The following ANK2 variants were observed in gnomAD, a reference collection of about 807,000 sequenced individuals.
ANK2 encodes ankyrin-2.
Under a neutral mutation model 360.5 loss-of-function variants are expected in ANK2, and 83 were observed. The observed-to-expected ratio is 0.23, with a 90% CI of 0.19 to 0.28. ANK2 has a LOEUF of 0.28. Among genes scored for constraint, ANK2 ranks in the 10% least tolerant of loss-of-function variants. ANK2 has a pLI of 1.00. For missense variants in ANK2, 4,201 were observed against 4,795.7 expected (o/e 0.88, Z 3.66); for synonymous variants, 1,740 against 1,759.5 (o/e 0.99, Z 0.28).
At chr4:113,336,486 G>A in intron 30 of ANK2, 91 bp from the exon 31 acceptor site, 4 of 1,234,636 alleles carry the variant, frequency 3.2e-6, no homozygotes, top group Non-Finnish European at 4.5e-6. Context: ...AAAATACTTT[G>A]GGGAAGAAAT....
the ANK2 span, chr4:112,797,397 C>T: frequency 1.2e-4 from 19 of 152,974 alleles, no homozygotes; most frequent in East Asian, 1.9e-4. Context: ...AGCACCTGCC[C>T]GGCCATTCTA....
intron 1 of ANK2, among the ~76,000 whole-genome samples, chr4:113,165,982 T>C (rs1213511450): frequency 6.6e-6 from 1 of 152,166 alleles, no homozygotes; most frequent in Non-Finnish European, 1.5e-5. Context: ...TATTTTCATC[T>C]ATAAACTTAC....
At chr4:113,107,568 A>G (rs2093785007) in intron 1 of ANK2, among the ~76,000 whole-genome samples, 1 of 152,098 alleles carries the variant, frequency 6.6e-6, no homozygotes, top group East Asian at 1.9e-4. Flanking sequence ...GAGCTTATTA[A>G]TGATGCTGAC....
chr4:112,792,110 C>T, the ANK2 span, among the ~76,000 whole-genome samples: 7 of 135,364 alleles, frequency 5.2e-5, no homozygotes, highest in Admixed American at 8.5e-5. Context: ...GGTGCAATCT[C>T]GGCTCACTGC....
intron 6 of ANK2, 129 bp from the exon 7 acceptor site, chr4:113,237,470 T>C: frequency 7.5e-6 from 7 of 931,902 alleles, no homozygotes; most frequent in South Asian, 6.5e-5. Flanking sequence ...CTTGGGGATG[T>C]CTTCTTCCAG....
intron 1 of ANK2, among the ~76,000 whole-genome samples, chr4:113,128,056 T>A (rs374208326): frequency 6.6e-6 from 1 of 152,226 alleles, no homozygotes; most frequent in East Asian, 1.9e-4. Context: ...CACATTGCTT[T>A]ATATGTGGTA....
chr4:112,894,435 T>C (rs944908357), intron 1 of ANK2, among the ~76,000 whole-genome samples: 1 of 152,236 alleles, frequency 6.6e-6, no homozygotes, highest in Non-Finnish European at 1.5e-5. Flanking sequence ...ATTATTTTTA[T>C]AATTTGAAAA....
At chr4:112,750,856 T>C in the ANK2 span, among the ~76,000 whole-genome samples, 2 of 151,986 alleles carry the variant, frequency 1.3e-5, no homozygotes, top group African/African-American at 4.8e-5. Flanking sequence ...GCTTCCCGAG[T>C]AGCTGGGATC....
intron 1 of ANK2, among the ~76,000 whole-genome samples, chr4:112,874,368 C>CCACT (rs1183687076): frequency 6.6e-6 from 1 of 150,748 alleles, no homozygotes; most frequent in Non-Finnish European, 1.5e-5. Flanking sequence ...CAGGCGTGAG[C>CCACT]CACTGCAACT....
At chr4:112,756,834 A>G in the ANK2 span, among the ~76,000 whole-genome samples, 2 of 151,926 alleles carry the variant, frequency 1.3e-5, no homozygotes, top group African/African-American at 4.8e-5. Context: ...TTAGCCCTAC[A>G]TGGTGGTGGG....
intron 32 of ANK2, among the ~76,000 whole-genome samples, chr4:113,340,797 A>C (rs887130111): frequency 1.3e-5 from 2 of 151,568 alleles, no homozygotes; most frequent in Admixed American, 6.6e-5. Flanking sequence ...GTAGATTAAG[A>C]AGTGATAAAT....
chr4:113,313,998 T>C (rs1237248273), intron 24 of ANK2, among the ~76,000 whole-genome samples: 1 of 152,166 alleles, frequency 6.6e-6, no homozygotes, highest in East Asian at 1.9e-4. Context: ...TGATAACACA[T>C]TAGCATGGCT....
rs528406904 is a variant in ANK2, at chr4:113,130,890, A to C, written c.85-43526A>C. ...CAACACATAGATTGTACCAATGCAT[A>C]AACAGTTATTTGAGAATGAAACAGA... On this transcript the variant is annotated intron_variant, in intron 1 of 45. Transcript: ENST00000357077. Among the ~76,000 whole-genome samples the C allele has an allele frequency of 3.3e-5, 5 of 152,312 alleles. No individual in the cohort carries two copies. The South Asian group carries it at 1.0e-3, about 32-fold the overall frequency.
chr4:113,373,773 G>T (rs1400812085), intron 45 of ANK2: 2 of 477,864 alleles, frequency 4.2e-6, no homozygotes, highest in Non-Finnish European at 8.0e-6. Flanking sequence ...TGGGCAAGCA[G>T]TATGCTGTGG....
chr4:112,844,258 G>A lies in ANK2; in HGVS notation c.-40+25994G>A, dbSNP rs533261806. ...AGAGGGCCTTAGCCTTCTCACCTGGGTTCATGATTGGACTACCCTTAGCAT... is the reference window on the plus strand; with the variant it reads ...AGAGGGCCTTAGCCTTCTCACCTGGATTCATGATTGGACTACCCTTAGCAT... On this transcript the variant is annotated intron_variant, in intron 1 of 30. Transcript: ENST00000503271. Among the ~76,000 whole-genome samples the A allele has an allele frequency of 4.6e-5, 7 of 152,294 alleles. No individual in the cohort carries two copies. The East Asian group carries it at 1.2e-3, about 25-fold the overall frequency.
intron 1 of ANK2, among the ~76,000 whole-genome samples, chr4:113,085,876 G>T (rs1440888064): frequency 1.3e-5 from 2 of 151,996 alleles, no homozygotes; most frequent in African/African-American, 4.8e-5. Flanking sequence ...TAATTTTCTT[G>T]TAAAAGGAAT....
Position 113,358,454 on chromosome 4 carries a change from A to C in ANK2, c.9836A>C (p.Glu3279Ala). 1 of 1,614,120 alleles carries C rather than the reference A, an allele frequency of 6.2e-7. No individual in the cohort carries two copies. Among genetic ancestry groups the C allele is most frequent in the Non-Finnish European group, 8.5e-7 (1 of 1,179,966 alleles). ...RGDDSPDSSP[E>A]EQKSVIEIPT... ...GATGATTCTCCCGATTCTTCCCCAG[A>C]AGAACAGAAATCAGTAATCGAGATT... The change falls in exon 38 of 46, where the codon GAA (glutamate) becomes GCA (alanine). Residue 3279 changes from glutamate to alanine, a missense_variant. By Grantham distance (107) the Glu-to-Ala change is moderately radical (BLOSUM62 -1). Around this residue, in one of 4 missense-constraint regions of ANK2, gnomAD observed 2,642 missense variants for 2,714.5 expected, o/e 0.97. Coordinates refer to ENST00000357077, the MANE Select transcript of ANK2 (RefSeq NM_001148.6).
chr4:113,369,912 A>G, intron 43 of ANK2, 107 bp downstream of exon 43: 2 of 1,404,396 alleles, frequency 1.4e-6, no homozygotes, highest in Non-Finnish European at 2.0e-6. Context: ...CAAAAAAGTT[A>G]ACCAAATTAA....
chr4:112,917,370 CT>C (rs1242896377), intron 2 of ANK2, among the ~76,000 whole-genome samples: 1 of 152,116 alleles, frequency 6.6e-6, no homozygotes, highest in African/African-American at 2.4e-5. Context: ...TGCTTTATAA[CT>C]TTAGATTTGA....
Sources: gnomAD v4.1 joint callset for allele counts (sites outside exome capture counted in the v4.1 genomes callset) on GRCh38, gnomAD v4.1.1 for gene constraint, gnomAD v4.1.1 regional missense constraint, MANE v1.5 for transcripts, NCBI Gene and HGNC (gene_info 2026-07-23, HGNC 2026-07-21) for gene names.